SLC35F4: variants seen among roughly 807,000 people sequenced by gnomAD.
SLC35F4 encodes the protein solute carrier family 35 member F4.
In SLC35F4, 24 loss-of-function variants were observed where a neutral mutation model predicts 44.2. The ratio of observed to expected loss-of-function variants is 0.54; its 90% CI spans 0.39 to 0.76. The LOEUF (loss-of-function observed/expected upper bound fraction) is 0.76. SLC35F4 is among the 30% of genes least tolerant of loss of function. SLC35F4 has a pLI of 0.00. For synonymous variants in SLC35F4, 238 were observed against 223.6 expected (o/e 1.06, Z -0.57); for missense variants, 562 against 586.1 (o/e 0.96, Z 0.42).
chr14:57,975,721 G>A (rs899840870), downstream of SLC35F4, among the ~76,000 whole-genome samples: 1 of 152,204 alleles, frequency 6.6e-6, no homozygotes, highest in East Asian at 1.9e-4. Context: ...ACCGCAGAGA[G>A]GAGCCCTAAA....
intron 1 of SLC35F4, among the ~76,000 whole-genome samples, chr14:57,811,993 A>C (rs536074923): frequency 2.0e-5 from 3 of 152,150 alleles, no homozygotes; most frequent in Non-Finnish European, 2.9e-5. Context: ...AAAAATAAAA[A>C]ATAATAATAA....
chr14:57,681,185 T>C (rs923785719), intron 1 of SLC35F4, among the ~76,000 whole-genome samples: 40 of 152,124 alleles, frequency 2.6e-4, no homozygotes, highest in African/African-American at 8.2e-4. Flanking sequence ...TATAGACCAA[T>C]GCAACAGAAC....
At chr14:57,738,960 G>A (rs796359860) in intron 1 of SLC35F4, among the ~76,000 whole-genome samples, 47 of 151,748 alleles carry the variant, frequency 3.1e-4, no homozygotes, top group African/African-American at 1.1e-3. Context: ...AGGATACAAA[G>A]AAACAACTTT....
chr14:57,643,838 A>G (rs1273981951), intron 1 of SLC35F4, among the ~76,000 whole-genome samples: 3 of 151,900 alleles, frequency 2.0e-5, no homozygotes, highest in Non-Finnish European at 2.9e-5. Flanking sequence ...TCATTGTTCA[A>G]TTCCCACCTA....
At chr14:57,953,504 A>G (rs952398225) in intron 1 of SLC35F4, among the ~76,000 whole-genome samples, 4 of 152,150 alleles carry the variant, frequency 2.6e-5, no homozygotes, top group African/African-American at 7.2e-5. Context: ...GATAGTCAAG[A>G]CCCGTCAGTG....
intron 5 of SLC35F4, among the ~76,000 whole-genome samples, chr14:57,571,409 T>C (rs902540254): frequency 1.3e-5 from 2 of 152,224 alleles, no homozygotes; most frequent in African/African-American, 4.8e-5. Flanking sequence ...GGTTAATATG[T>C]GCCAAACAGC....
chr14:57,671,798 G>A lies in SLC35F4; in HGVS notation c.104-77674C>T, dbSNP rs12896607. ...AGCCAGTGATATGATGGATGAGCACGGAAGTACAAATGTCCAGCTTCTTCT... is the reference window on the plus strand; with the variant it reads ...AGCCAGTGATATGATGGATGAGCACAGAAGTACAAATGTCCAGCTTCTTCT... On this transcript the variant is annotated intron_variant, in intron 1 of 7. Transcript: ENST00000556826. 6.7e-3 allele frequency among the ~76,000 whole-genome samples: 1,017 copies of A among 152,144 alleles called. 10 individuals are homozygous for A. Among genetic ancestry groups the A allele is most frequent in the South Asian group, 0.013 (65 of 4,816 alleles).
At chr14:57,679,277 G>C (rs2074807434) in intron 1 of SLC35F4, among the ~76,000 whole-genome samples, 1 of 152,032 alleles carries the variant, frequency 6.6e-6, no homozygotes. Flanking sequence ...AATGACTACT[G>C]GGTAAATAAT....
In SLC35F4 at chr14:57,845,168, C is replaced by G. The variant is rs78502592; in HGVS notation, c.103+20555G>C. Among the ~76,000 whole-genome samples the G allele has an allele frequency of 2.3e-4, 35 of 152,300 alleles. No homozygotes were observed. The East Asian group carries it at 5.8e-3, about 25-fold the overall frequency. The stretch of plus-strand genomic sequence containing the variant: ...AGAACTTCAGGAGGAGGAAAAATAA[C>G]TGAGCCATGGGAGGATCTGAAATTT... On this transcript the variant is annotated intron_variant, in intron 1 of 7. Coordinates refer to ENST00000556826, the MANE Select transcript of SLC35F4 (RefSeq NM_001306087.2).
In SLC35F4 at chr14:57,589,207, G is replaced by A. The variant is rs2069993955; in HGVS notation, c.587+9C>T. 1 of 1,595,564 alleles carries A rather than the reference G, an allele frequency of 6.3e-7. No homozygotes were observed. The highest frequency in any genetic ancestry group is 2.2e-5 in the East Asian group (1 of 44,698). ...TGATCTCTTATTGGGCAGTTAACAT[G>A]AAACCTACCTGAATTTTTTCATTGG... On this transcript the variant is annotated intron_variant, in intron 3 of 7. Coordinates refer to ENST00000556826, the MANE Select transcript of SLC35F4 (RefSeq NM_001306087.2).
chr14:57,691,043 C>T (rs571288323), intron 1 of SLC35F4, among the ~76,000 whole-genome samples: 6 of 152,094 alleles, frequency 3.9e-5, no homozygotes, highest in African/African-American at 7.2e-5. Context: ...GACCCTTGCC[C>T]TAGACTGTGA....
intron 1 of SLC35F4, chr14:57,630,453 C>CCCAG: frequency 1.3e-6 from 1 of 787,510 alleles, no homozygotes. Flanking sequence ...CGGTCCAAGT[C>CCCAG]CCAGCCCAAG....
At chr14:57,732,055 TTAAGAGG>T (rs1226152417) in intron 1 of SLC35F4, among the ~76,000 whole-genome samples, 1 of 152,156 alleles carries the variant, frequency 6.6e-6, no homozygotes, top group Non-Finnish European at 1.5e-5. Flanking sequence ...AGGTCAAAAT[TTAAGAGG>T]TAACAGTAAG....
At chr14:57,909,620 G>T (rs1341354510) in intron 1 of SLC35F4, among the ~76,000 whole-genome samples, 5 of 151,204 alleles carry the variant, frequency 3.3e-5, no homozygotes, top group Admixed American at 6.6e-5. Context: ...TGCATCAAAG[G>T]TTCTTTCATG....
intron 1 of SLC35F4, among the ~76,000 whole-genome samples, chr14:57,933,424 T>C (rs149944082): frequency 5.2e-4 from 79 of 152,292 alleles, no homozygotes; most frequent in African/African-American, 1.8e-3. Context: ...CCTAAGCCCA[T>C]ACGCTATGTG....
intron 1 of SLC35F4, among the ~76,000 whole-genome samples, chr14:57,926,609 G>A (rs545186704): frequency 7.9e-5 from 12 of 151,614 alleles, no homozygotes; most frequent in Admixed American, 7.2e-4. Flanking sequence ...CTTGCACACT[G>A]TAAGTGAGGT....
At chr14:57,682,119 A>G (rs888886752) in intron 1 of SLC35F4, among the ~76,000 whole-genome samples, 6 of 152,190 alleles carry the variant, frequency 3.9e-5, no homozygotes, top group Non-Finnish European at 5.9e-5. Flanking sequence ...TAGAAATAGC[A>G]TTTGACCCAG....
chr14:57,704,009 C>G (rs923849840), intron 1 of SLC35F4, among the ~76,000 whole-genome samples: 1 of 152,186 alleles, frequency 6.6e-6, no homozygotes, highest in Non-Finnish European at 1.5e-5. Context: ...ACTGCCATCC[C>G]AGATCCAAAA....
intron 1 of SLC35F4, among the ~76,000 whole-genome samples, chr14:57,767,933 A>C (rs1301041409): frequency 5.3e-5 from 8 of 152,208 alleles, no homozygotes; most frequent in African/African-American, 1.9e-4. Flanking sequence ...AGTCTCTCAA[A>C]AACTTTTACA....
Sources: allele counts gnomAD v4.1 joint callset (sites outside exome capture counted in the v4.1 genomes callset), GRCh38; gene constraint gnomAD v4.1.1; transcripts MANE v1.5; gene names NCBI Gene and HGNC (gene_info 2026-07-23, HGNC 2026-07-21).